Variants in CUX1 observed in about 807,000 individuals in gnomAD.
CUX1 encodes the protein protein CASP.
CUX1 carries 31 observed loss-of-function variants against 158.8 expected under a neutral mutation model. The observed-to-expected ratio is 0.20, with a 90% CI of 0.15 to 0.26. The LOEUF is 0.26. Among genes scored for constraint, CUX1 ranks in the 10% least tolerant of loss-of-function variants. The pLI, the probability that CUX1 is intolerant of heterozygous loss-of-function variation, is 1.00. For missense variants in CUX1, 1,589 were observed against 2,014.6 expected (o/e 0.79, Z 4.04); for synonymous variants, 879 against 862.1 (o/e 1.02, Z -0.34).
chr7:101,836,570 A>G (rs1287795021), intron 1 of CUX1, among the ~76,000 whole-genome samples: 1 of 149,716 alleles, frequency 6.7e-6, no homozygotes, highest in Non-Finnish European at 1.5e-5. Flanking sequence ...GGCCAGGCGC[A>G]GTGGCTCATG....
intron 3 of CUX1, among the ~76,000 whole-genome samples, chr7:102,060,608 A>ACAC (rs1824723298): frequency 8.3e-5 from 11 of 133,300 alleles, no homozygotes; most frequent in East Asian, 4.6e-4. Context: ...CACACAAATA[A>ACAC]ACACACACAC....
At chr7:102,236,951 G>A (rs1228394893) in intron 22 of CUX1, among the ~76,000 whole-genome samples, 1 of 152,168 alleles carries the variant, frequency 6.6e-6, no homozygotes, top group Non-Finnish European at 1.5e-5. Flanking sequence ...AGCCGCTGTG[G>A]TCCGATGGCC....
chr7:101,941,206 C>T (rs1807669222), intron 2 of CUX1, among the ~76,000 whole-genome samples: 1 of 152,168 alleles, frequency 6.6e-6, no homozygotes, highest in South Asian at 2.1e-4. Flanking sequence ...GGGGAACTCA[C>T]TGGGAGGAGG....
intron 6 of CUX1, among the ~76,000 whole-genome samples, chr7:102,107,998 C>T (rs535554959): frequency 2.0e-5 from 3 of 152,294 alleles, no homozygotes; most frequent in East Asian, 1.9e-4. Flanking sequence ...CCCTTGACCC[C>T]GTTGATACGG....
At chr7:102,157,798 A>G (rs1651982786) in intron 8 of CUX1, among the ~76,000 whole-genome samples, 1 of 152,106 alleles carries the variant, frequency 6.6e-6, no homozygotes, top group Admixed American at 6.5e-5. Flanking sequence ...ATACAAACAT[A>G]AAAGCACTCT....
chr7:101,906,902 C>A (rs753664873), intron 1 of CUX1, among the ~76,000 whole-genome samples: 1 of 152,086 alleles, frequency 6.6e-6, no homozygotes, highest in Non-Finnish European at 1.5e-5. Context: ...ATCTGCTGCC[C>A]CCCACTCCCG....
At chr7:102,036,369 G>GAATT (rs1481951157) in intron 3 of CUX1, among the ~76,000 whole-genome samples, 32 of 152,272 alleles carry the variant, frequency 2.1e-4, no homozygotes, top group African/African-American at 7.7e-4. Context: ...CAAGTTAGAG[G>GAATT]AATTGCCCTA....
chr7:101,937,820 A>G (rs1164031711), intron 2 of CUX1, among the ~76,000 whole-genome samples: 4 of 152,090 alleles, frequency 2.6e-5, no homozygotes, highest in Non-Finnish European at 4.4e-5. Context: ...GCCTAATGAT[A>G]TAAATATTAG....
intron 1 of CUX1, among the ~76,000 whole-genome samples, chr7:101,820,420 C>T (rs1049409720): frequency 6.6e-6 from 1 of 152,194 alleles, no homozygotes; most frequent in Non-Finnish European, 1.5e-5. Context: ...ACAGGTATAT[C>T]TGACGAATTG....
intron 2 of CUX1, among the ~76,000 whole-genome samples, chr7:101,928,524 C>T (rs1354104428): frequency 1.3e-5 from 2 of 151,512 alleles, no homozygotes; most frequent in Admixed American, 1.3e-4. Context: ...GCACCTGCCA[C>T]CACGCCTGGC....
At chr7:101,935,075 G>A (rs1370534919) in intron 2 of CUX1, among the ~76,000 whole-genome samples, 2 of 152,092 alleles carry the variant, frequency 1.3e-5, no homozygotes, top group Admixed American at 1.3e-4. Context: ...TGACCTGCAC[G>A]TACACATCCA....
Position 102,255,569 on chromosome 7 carries a change from G to A in CUX1, c.*6527G>A, listed in dbSNP as rs1554541751. On this transcript the variant is annotated 3_prime_UTR_variant, in exon 24 of 24. Coordinates refer to ENST00000292535, the MANE Select transcript of CUX1 (RefSeq NM_181552.4). ...ATTAGTCTACGTTACTGTAATTTCT[G>A]TAGTGTTTACGCTTTAATTTCTACC... The A allele has an allele frequency of 6.1e-6, 6 of 985,262 alleles. No individual in the cohort carries two copies. Among genetic ancestry groups the A allele is most frequent in the Non-Finnish European group, 7.2e-6 (6 of 829,904 alleles). 61.0% of individuals were successfully genotyped at this position (985,262 alleles called of 1,614,324 possible).
At chr7:101,920,369 G>A (rs534798132) in intron 2 of CUX1, among the ~76,000 whole-genome samples, 102 of 151,842 alleles carry the variant, frequency 6.7e-4, no homozygotes, top group Non-Finnish European at 1.3e-3. Context: ...TGATCCACCC[G>A]CCTCAGCCTC....
chr7:102,065,205 C>T (rs1023395621), intron 3 of CUX1, among the ~76,000 whole-genome samples: 8 of 152,052 alleles, frequency 5.3e-5, no homozygotes, highest in Non-Finnish European at 7.4e-5. Flanking sequence ...CCTCAGCCTC[C>T]GAGGAGCTGG....
intron 1 of CUX1, among the ~76,000 whole-genome samples, chr7:101,861,857 C>T (rs114135040): frequency 0.034 from 5,244 of 152,022 alleles, 299 homozygotes; most frequent in African/African-American, 0.12. Context: ...CTCCACCTCC[C>T]GGAGTCTCCC....
chr7:102,082,557 C>T lies in CUX1; in HGVS notation c.268+12140C>T, dbSNP rs1394776690. 5.4e-5 allele frequency among the ~76,000 whole-genome samples: 8 copies of T among 147,302 alleles called. 1 individual carries two copies. The East Asian group carries it at 1.2e-3, about 21-fold the overall frequency. On this transcript the variant is annotated intron_variant, in intron 4 of 23. Transcript: ENST00000292535. ...ATAAACACATACAATGAAATGCGCT[C>T]ATTTCAAGTGTGCAGTGTGATAGCG...
chr7:101,991,913 T>C (rs966144809), intron 2 of CUX1, among the ~76,000 whole-genome samples: 1 of 151,784 alleles, frequency 6.6e-6, no homozygotes, highest in African/African-American at 2.4e-5. Flanking sequence ...AATAAAAAAT[T>C]AGCAGGGCAT....
At chr7:102,079,986 G>C (rs58217530) in intron 4 of CUX1, among the ~76,000 whole-genome samples, 8,461 of 152,194 alleles carry the variant, frequency 0.056, 754 homozygotes, top group African/African-American at 0.19. Context: ...CCTCGGCCAG[G>C]TTCATAAACC....
At chr7:102,031,737 A>T (rs913550904) in intron 3 of CUX1, among the ~76,000 whole-genome samples, 3 of 152,122 alleles carry the variant, frequency 2.0e-5, no homozygotes, top group Non-Finnish European at 4.4e-5. Context: ...CGGGGAAGCA[A>T]ATTAACATAT....
Sources: allele counts gnomAD v4.1 joint callset (sites outside exome capture counted in the v4.1 genomes callset), GRCh38; gene constraint gnomAD v4.1.1; transcripts MANE v1.5; gene names NCBI Gene and HGNC (gene_info 2026-07-23, HGNC 2026-07-21).